Variants in GKAP1 observed in about 807,000 individuals in gnomAD.
GKAP1 encodes G kinase-anchoring protein 1.
Under a neutral mutation model 56.7 loss-of-function variants are expected in GKAP1, and 31 were observed. The observed-to-expected ratio is 0.55, with a 90% CI of 0.41 to 0.74. GKAP1 has a LOEUF of 0.74. Ranked by LOEUF, GKAP1 falls within the 30% of genes least tolerant of loss-of-function variation. GKAP1 has a pLI of 0.00. For synonymous variants in GKAP1, 151 were observed against 138.6 expected (o/e 1.09, Z -0.63); for missense variants, 364 against 402.3 (o/e 0.90, Z 0.82).
At chr9:83,773,160 C>T (rs1361035516) in intron 7 of GKAP1, among the ~76,000 whole-genome samples, 1 of 152,118 alleles carries the variant, frequency 6.6e-6, no homozygotes, top group East Asian at 1.9e-4. Flanking sequence ...GGTGAATAAA[C>T]AACATTTATA....
intron 2 of GKAP1, among the ~76,000 whole-genome samples, chr9:83,815,772 G>C (rs568449412): frequency 6.6e-6 from 1 of 152,248 alleles, no homozygotes; most frequent in African/African-American, 2.4e-5. Context: ...AATTAACTGA[G>C]CGTAATATGA....
intron 4 of GKAP1, among the ~76,000 whole-genome samples, chr9:83,797,733 A>T (rs561653624): frequency 2.6e-5 from 4 of 152,346 alleles, no homozygotes; most frequent in African/African-American, 9.6e-5. Context: ...GCAGAAGAAA[A>T]GGCAATCAGA....
intron 8 of GKAP1, among the ~76,000 whole-genome samples, chr9:83,756,931 T>C (rs1943487706): frequency 6.6e-6 from 1 of 152,228 alleles, no homozygotes; most frequent in Non-Finnish European, 1.5e-5. Context: ...AATGAAGTCC[T>C]ATATTTCAAT....
rs201595873 is a variant in GKAP1 at position 83,812,360 on chromosome 9, T to TA, written c.-44+4635_-44+4636insT. ...ATATATACACGTATATATATATATA[T>TA]TTTTTTTTAGACAGGGTCTTACTCA... On this transcript the variant is annotated intron_variant, in intron 2 of 12. Coordinates refer to ENST00000376371, the MANE Select transcript of GKAP1 (RefSeq NM_025211.4). Among the ~76,000 whole-genome samples the TA allele has an allele frequency of 5.0e-3, 726 of 145,280 alleles. 9 individuals carry two copies. Among genetic ancestry groups the TA allele is most frequent in the African/African-American group, 0.013 (544 of 40,312 alleles).
intron 4 of GKAP1, among the ~76,000 whole-genome samples, chr9:83,792,207 T>C (rs1355510259): frequency 6.6e-6 from 1 of 152,184 alleles, no homozygotes; most frequent in Non-Finnish European, 1.5e-5. Context: ...ATGTATGAAG[T>C]ACCTAGCACA....
intron 4 of GKAP1, among the ~76,000 whole-genome samples, chr9:83,793,617 CAT>C (rs369886651): frequency 1.6e-4 from 25 of 152,104 alleles, no homozygotes; most frequent in African/African-American, 5.3e-4. Context: ...AAAAATGGTT[CAT>C]GAGTCACAAA....
chr9:83,785,076 T>A (rs1036021512), intron 5 of GKAP1, among the ~76,000 whole-genome samples: 1 of 152,140 alleles, frequency 6.6e-6, no homozygotes, highest in Admixed American at 6.6e-5. Context: ...AACCCCCTCC[T>A]CATTGCTACC....
At chr9:83,802,151 A>G (rs1362092056) in intron 3 of GKAP1, among the ~76,000 whole-genome samples, 1 of 152,216 alleles carries the variant, frequency 6.6e-6, no homozygotes, top group Non-Finnish European at 1.5e-5. Flanking sequence ...AAGGATGTCT[A>G]GGAAAAAAGG....
intron 8 of GKAP1, among the ~76,000 whole-genome samples, chr9:83,763,327 T>C (rs1402201158): frequency 1.1e-4 from 17 of 152,122 alleles, no homozygotes; most frequent in Admixed American, 1.1e-3. Context: ...GGATAGTTAA[T>C]TGGTACAAAA....
chr9:83,774,247 A>G (rs1475588389), intron 7 of GKAP1, among the ~76,000 whole-genome samples: 1 of 152,136 alleles, frequency 6.6e-6, no homozygotes, highest in East Asian at 1.9e-4. Context: ...TCCTAGAATA[A>G]AACCTAGGAA....
chr9:83,779,510 T>G (rs868324326), intron 7 of GKAP1, among the ~76,000 whole-genome samples: 2 of 129,494 alleles, frequency 1.5e-5, no homozygotes. Context: ...CACATATATG[T>G]GTATATATAT....
At chr9:83,780,276 T>A in intron 7 of GKAP1, 106 bp downstream of exon 7, 1 of 681,966 alleles carries the variant, frequency 1.5e-6, no homozygotes, top group Non-Finnish European at 2.5e-6. Context: ...AACCTATGGG[T>A]TGTCCTTTAA....
chr9:83,812,271 A>G (rs865778739), intron 2 of GKAP1, among the ~76,000 whole-genome samples: 7 of 147,614 alleles, frequency 4.7e-5, no homozygotes, highest in Non-Finnish European at 1.0e-4. Context: ...ATATATACAC[A>G]TATATATACA....
chr9:83,756,084 C>T (rs144071992), intron 8 of GKAP1, among the ~76,000 whole-genome samples: 52 of 152,108 alleles, frequency 3.4e-4, no homozygotes, highest in African/African-American at 1.2e-3. Context: ...GGATTACAAG[C>T]GTGACCCACC....
intron 5 of GKAP1, among the ~76,000 whole-genome samples, chr9:83,785,222 A>AT (rs888386617): frequency 2.7e-4 from 41 of 151,922 alleles, no homozygotes; most frequent in African/African-American, 8.5e-4. Flanking sequence ...AAAACACATT[A>AT]TTTTTTTCAA....
At chr9:83,806,658 C>T in intron 2 of GKAP1, 98 bp from the exon 3 acceptor site, 1 of 670,068 alleles carries the variant, frequency 1.5e-6, no homozygotes, top group South Asian at 2.1e-5. Context: ...TAAATTTCTT[C>T]TGACACTGGA....
rs559279088 is a variant in GKAP1, at chr9:83,780,998, G to A, written c.563-594C>T. 5.9e-5 allele frequency among the ~76,000 whole-genome samples: 9 copies of A among 152,222 alleles called. No homozygotes were observed. In the South Asian group the frequency reaches 1.9e-3, roughly 32 times the overall value. ...TACATCTAGATGAAACAAATTATTG[G>A]CTTAGAAACAACACAGCATTTCTGG... is the stretch of plus-strand genomic sequence containing the variant. On this transcript the variant is annotated intron_variant, in intron 6 of 12. Transcript: ENST00000376371.
chr9:83,741,578 C>A (rs555805882), intron 12 of GKAP1, among the ~76,000 whole-genome samples: 1 of 152,126 alleles, frequency 6.6e-6, no homozygotes, highest in East Asian at 1.9e-4. Flanking sequence ...TATCACCTCA[C>A]ATATTAATTA....
chr9:83,803,935 C>G (rs1266763086), intron 3 of GKAP1, among the ~76,000 whole-genome samples: 2 of 151,210 alleles, frequency 1.3e-5, no homozygotes, highest in African/African-American at 2.4e-5. Flanking sequence ...AGCGCCTCTG[C>G]CCGGCCGCGA....
Sources: gnomAD v4.1 joint callset for allele counts (sites outside exome capture counted in the v4.1 genomes callset) on GRCh38, gnomAD v4.1.1 for gene constraint, MANE v1.5 for transcripts, NCBI Gene and HGNC (gene_info 2026-07-23, HGNC 2026-07-21) for gene names.